ABHD12: variants seen among roughly 807,000 people sequenced by gnomAD.
ABHD12 encodes abhydrolase domain containing 12, lysophospholipase.
Under a neutral mutation model 58.3 loss-of-function variants are expected in ABHD12, and 43 were observed. The observed-to-expected ratio is 0.74, with a 90% CI of 0.58 to 0.95. The LOEUF (loss-of-function observed/expected upper bound fraction) is 0.95. Ranked by LOEUF, ABHD12 falls within the 40% of genes least tolerant of loss-of-function variation. ABHD12 has a pLI of 0.00. For missense variants in ABHD12, 539 were observed against 537.2 expected (o/e 1.00, Z -0.03); for synonymous variants, 219 against 211.2 (o/e 1.04, Z -0.32).
At chr20:25,303,651 G>A in intron 10 of ABHD12, 23 bp from the exon 11 acceptor site, 1 of 1,612,994 alleles carries the variant, frequency 6.2e-7, no homozygotes, top group Non-Finnish European at 8.5e-7. Flanking sequence ...GAAGGGGCTA[G>A]ACCAAGACCA....
At chr20:25,326,054 G>A (rs1382643560) in intron 2 of ABHD12, among the ~76,000 whole-genome samples, 3 of 136,560 alleles carry the variant, frequency 2.2e-5, no homozygotes, top group Non-Finnish European at 3.1e-5. Flanking sequence ...CTTGATGAAA[G>A]AGTGAGACTC....
chr20:25,307,133 T>TC (rs1176446604), intron 9 of ABHD12, among the ~76,000 whole-genome samples: 1 of 152,138 alleles, frequency 6.6e-6, no homozygotes, highest in East Asian at 1.9e-4. Flanking sequence ...AACAGAAGAA[T>TC]CACCCGCCAG....
In ABHD12 at chr20:25,339,204, A is replaced by G. The variant is rs371964207; in HGVS notation, c.316+23T>C. 1.7e-5 allele frequency: 27 copies of G among 1,613,436 alleles called. No homozygotes were observed. In the African/African-American group the frequency reaches 2.1e-4, roughly 13 times the overall value. Reference sequence around the variant, plus strand: ...AATGAACCCTTACTAAAATTAAAGGAAAAATGGACACATACCACTTACCGA... The same window carrying G: ...AATGAACCCTTACTAAAATTAAAGGGAAAATGGACACATACCACTTACCGA... On this transcript the variant is annotated intron_variant, in intron 2 of 12. Coordinates refer to ENST00000339157, the MANE Select transcript of ABHD12 (RefSeq NM_001042472.3).
intron 2 of ABHD12, among the ~76,000 whole-genome samples, chr20:25,327,197 G>C (rs565896183): frequency 3.3e-5 from 5 of 152,212 alleles, no homozygotes; most frequent in African/African-American, 1.2e-4. Flanking sequence ...TGCCAGGCGC[G>C]GTGGCGCATG....
At chr20:25,346,860 G>T (rs1314321918) in intron 1 of ABHD12, among the ~76,000 whole-genome samples, 1 of 152,106 alleles carries the variant, frequency 6.6e-6, no homozygotes, top group African/African-American at 2.4e-5. Flanking sequence ...TAGCCAGGAT[G>T]GTCTCGATCT....
chr20:25,300,050 A>G (rs905704436), downstream of ABHD12: 18 of 337,098 alleles, frequency 5.3e-5, no homozygotes, highest in Admixed American at 6.5e-5. Context: ...GGTGAACAAA[A>G]CTTCCTACTC....
At chr20:25,302,779 G>A (rs1296794462) in intron 11 of ABHD12, among the ~76,000 whole-genome samples, 1 of 152,172 alleles carries the variant, frequency 6.6e-6, no homozygotes, top group Non-Finnish European at 1.5e-5. Context: ...TGAGCTGTGC[G>A]CTGCTGGGCG....
chr20:25,307,008 A>G (rs2145929029), intron 9 of ABHD12, 93 bp from the exon 10 acceptor site: 2 of 944,630 alleles, frequency 2.1e-6, no homozygotes, highest in East Asian at 5.2e-5. Context: ...AGAAATCTAT[A>G]AGGCGTTGCC....
intron 1 of ABHD12, among the ~76,000 whole-genome samples, chr20:25,378,922 C>T (rs937021069): frequency 6.6e-5 from 10 of 152,188 alleles, no homozygotes; most frequent in Non-Finnish European, 1.5e-4. Context: ...ATCCGCTAAA[C>T]TTATCACAAG....
downstream of ABHD12, among the ~76,000 whole-genome samples, chr20:25,295,282 C>T (rs540593014): frequency 2.0e-5 from 3 of 152,398 alleles, no homozygotes; most frequent in East Asian, 5.8e-4. Context: ...ACTGTCTGCC[C>T]AGGAGGCCTC....
At chr20:25,296,328 G>A (rs1458638501), downstream of ABHD12, 8 of 1,610,656 alleles carry the variant, frequency 5.0e-6, no homozygotes, top group Non-Finnish European at 6.8e-6. Context: ...GCAGCCCCAA[G>A]CCCTGTGACG....
At chr20:25,336,424 A>G (rs6083804) in intron 2 of ABHD12, among the ~76,000 whole-genome samples, 83,598 of 151,958 alleles carry the variant, frequency 0.55, 23,601 homozygotes, top group Admixed American at 0.62. Context: ...TTAAAAGCTT[A>G]TTTATCTAAT....
At chr20:25,351,776 C>G (rs2089603011) in intron 1 of ABHD12, among the ~76,000 whole-genome samples, 1 of 152,082 alleles carries the variant, frequency 6.6e-6, no homozygotes, top group South Asian at 2.1e-4. Flanking sequence ...TGGCACATGC[C>G]TGTAATCCCA....
chr20:25,295,696 G>T (rs757433007), downstream of ABHD12: 1 of 1,596,386 alleles, frequency 6.3e-7, no homozygotes, highest in Admixed American at 1.7e-5. Flanking sequence ...CCAGAGGCTA[G>T]GGGAGCAGCT....
chr20:25,378,924 T>C (rs945810055), intron 1 of ABHD12, among the ~76,000 whole-genome samples: 1 of 152,170 alleles, frequency 6.6e-6, no homozygotes, highest in Admixed American at 6.5e-5. Context: ...CCGCTAAACT[T>C]ATCACAAGTG....
At chr20:25,323,249 T>A (rs990374508) in intron 3 of ABHD12, 76 bp downstream of exon 3, 2 of 906,816 alleles carry the variant, frequency 2.2e-6, no homozygotes, top group African/African-American at 3.3e-5. Context: ...GAGGCCAATG[T>A]CAAAGACAGC....
chr20:25,382,946 G>T (rs898819118), intron 1 of ABHD12, among the ~76,000 whole-genome samples: 2 of 152,166 alleles, frequency 1.3e-5, no homozygotes, highest in Admixed American at 6.6e-5. Flanking sequence ...TTGAGGGGGG[G>T]GGCCAGCTAT....
intron 1 of ABHD12, among the ~76,000 whole-genome samples, chr20:25,367,700 A>C (rs892503260): frequency 7.2e-5 from 11 of 152,048 alleles, no homozygotes; most frequent in African/African-American, 2.7e-4. Context: ...TACTTCATTT[A>C]GCATAATGTC....
chr20:25,304,038 C>G (rs772680765), intron 10 of ABHD12, among the ~76,000 whole-genome samples: 5 of 152,262 alleles, frequency 3.3e-5, no homozygotes, highest in Non-Finnish European at 7.3e-5. Flanking sequence ...CAACTCTAAA[C>G]ACTTAGAAGT....
Sources: gnomAD v4.1 joint callset for allele counts (sites outside exome capture counted in the v4.1 genomes callset) on GRCh38, gnomAD v4.1.1 for gene constraint, MANE v1.5 for transcripts, NCBI Gene and HGNC (gene_info 2026-07-23, HGNC 2026-07-21) for gene names.